SGIP1: variants seen among roughly 807,000 people sequenced by gnomAD.
SGIP1 encodes SH3-containing GRB2-like protein 3-interacting protein 1.
In SGIP1, 38 loss-of-function variants were observed where a neutral mutation model predicts 107.5. The observed-to-expected ratio is 0.35, with a 90% confidence interval of 0.27 to 0.46. The LOEUF is 0.46. Ranked by LOEUF, SGIP1 falls within the 20% of genes least tolerant of loss-of-function variation. The pLI is 1.00. For missense variants in SGIP1, 929 were observed against 1,019.5 expected (o/e 0.91, Z 1.21); for synonymous variants, 365 against 366.1 (o/e 1.00, Z 0.03).
At chr1:66,683,558 C>A (rs2087312505) in intron 15 of SGIP1, among the ~76,000 whole-genome samples, 1 of 152,028 alleles carries the variant, frequency 6.6e-6, no homozygotes. Context: ...GTGTATGCTT[C>A]CAGGTCCTCT....
At chr1:66,679,276 G>A (rs2086113857) in intron 13 of SGIP1, among the ~76,000 whole-genome samples, 1 of 152,170 alleles carries the variant, frequency 6.6e-6, no homozygotes, top group South Asian at 2.1e-4. Flanking sequence ...ACCCTCGACT[G>A]TAACTGTCAG....
intron 1 of SGIP1, among the ~76,000 whole-genome samples, chr1:66,562,870 A>T (rs1281333290): frequency 6.6e-6 from 1 of 152,064 alleles, no homozygotes; most frequent in Admixed American, 6.6e-5. Flanking sequence ...GGCAGGTGAA[A>T]GGTTCTCTGT....
At chr1:66,734,748 C>T (rs893559075) in intron 21 of SGIP1, among the ~76,000 whole-genome samples, 5 of 152,058 alleles carry the variant, frequency 3.3e-5, no homozygotes, top group East Asian at 1.9e-4. Flanking sequence ...TCAGGTGATC[C>T]GCCCGCATCA....
At chr1:66,695,531 T>C (rs745633418) in intron 18 of SGIP1, 38 bp downstream of exon 18, 18 of 1,582,072 alleles carry the variant, frequency 1.1e-5, no homozygotes, top group Non-Finnish European at 1.5e-5. Flanking sequence ...TAATTTATAC[T>C]CCTCCTCATC....
chr1:66,638,102 T>C (rs1365705884), intron 4 of SGIP1, among the ~76,000 whole-genome samples: 1 of 152,076 alleles, frequency 6.6e-6, no homozygotes, highest in African/African-American at 2.4e-5. Flanking sequence ...TCAATATAAA[T>C]TAAATGTCTA....
chr1:66,621,647 T>A (rs1295672241), intron 1 of SGIP1, among the ~76,000 whole-genome samples: 2 of 152,346 alleles, frequency 1.3e-5, no homozygotes, highest in Non-Finnish European at 2.9e-5. Context: ...CTGCTTTCTG[T>A]ATTAATGAAT....
chr1:66,592,894 C>CTTTTTTTTTTTTTTTT (rs1558004086), intron 1 of SGIP1, among the ~76,000 whole-genome samples: 1 of 94,136 alleles, frequency 1.1e-5, no homozygotes, highest in African/African-American at 4.2e-5. Flanking sequence ...CTTTCTTCTT[C>CTTTTTTTTTTTTTTTT]TTCTTTTTTT....
At chr1:66,534,740 T>A (rs2053178620) in intron 1 of SGIP1, among the ~76,000 whole-genome samples, 1 of 152,220 alleles carries the variant, frequency 6.6e-6, no homozygotes, top group Admixed American at 6.5e-5. Flanking sequence ...GGAAACTTGT[T>A]TTCTGAAATT....
chr1:66,641,237 T>C (rs1376628996), intron 5 of SGIP1, among the ~76,000 whole-genome samples: 1 of 152,152 alleles, frequency 6.6e-6, no homozygotes, highest in Non-Finnish European at 1.5e-5. Flanking sequence ...CTATGGAAGG[T>C]AACAGAAATG....
At chr1:66,626,715 G>A (rs2072894273) in intron 2 of SGIP1, among the ~76,000 whole-genome samples, 1 of 152,206 alleles carries the variant, frequency 6.6e-6, no homozygotes, top group African/African-American at 2.4e-5. Flanking sequence ...CCCAAGACCA[G>A]TGTAGGGAGA....
At chr1:66,731,739 C>T (rs951287854) in intron 20 of SGIP1, among the ~76,000 whole-genome samples, 1 of 152,144 alleles carries the variant, frequency 6.6e-6, no homozygotes, top group Non-Finnish European at 1.5e-5. Context: ...TTCTAGATTG[C>T]AGTACCAGCC....
rs973739142 is a variant in SGIP1, at chr1:66,743,622, A to G, written c.*527A>G. The G allele has an allele frequency of 2.0e-5, 3 of 152,626 alleles. No individual in the cohort carries two copies. Among genetic ancestry groups the G allele is most frequent in the African/African-American group, 7.2e-5 (3 of 41,598 alleles). 9.5% of individuals were successfully genotyped at this position (152,626 alleles called of 1,614,324 possible). A position where few individuals can be genotyped will look rare whatever the true frequency, so the allele number is the denominator to read the frequency against. ...GCTTAGTATGTTTTACTCTAGTGCT[A>G]AATAAAAACTCTATCTTCAAATGTT... On this transcript the variant is annotated 3_prime_UTR_variant, in exon 25 of 25. Transcript: ENST00000371037.
rs1003604561 is a variant in SGIP1 at position 66,745,175 on chromosome 1, T to C, written c.*2080T>C. On this transcript the variant is annotated 3_prime_UTR_variant, in exon 25 of 25. Coordinates refer to ENST00000371037, the MANE Select transcript of SGIP1 (RefSeq NM_032291.4). ...TAGTAATTAAACACAAGGGTTTTTT[T>C]CCCAAAAAATAATTTTACTGATTTT... 2 of 151,938 alleles carry C rather than the reference T, an allele frequency of 1.3e-5. No individual in the cohort carries two copies. Among genetic ancestry groups the C allele is most frequent in the African/African-American group, 2.4e-5 (1 of 41,436 alleles). 9.4% of individuals were successfully genotyped at this position (151,938 alleles called of 1,614,324 possible).
chr1:66,549,133 A>ACCTGCCTGCCTTCCTGCCTG (rs200992464), intron 1 of SGIP1, among the ~76,000 whole-genome samples: 1 of 122,834 alleles, frequency 8.1e-6, no homozygotes, highest in African/African-American at 2.8e-5. Flanking sequence ...CCTTCTGGCT[A>ACCTGCCTGCCTTCCTGCCTG]CCTGCCTTCC....
At chr1:66,565,768 A>G (rs2059556010) in intron 1 of SGIP1, among the ~76,000 whole-genome samples, 1 of 151,966 alleles carries the variant, frequency 6.6e-6, no homozygotes, top group South Asian at 2.1e-4. Context: ...ACTTTTGTTC[A>G]CCTCCCTGTG....
chr1:66,584,101 T>C (rs1570021963), intron 1 of SGIP1, among the ~76,000 whole-genome samples: 1 of 152,124 alleles, frequency 6.6e-6, no homozygotes, highest in East Asian at 1.9e-4. Context: ...CAGAGGCTTG[T>C]CTGATTAAAG....
At chr1:66,728,435 T>C (rs781119420) in intron 19 of SGIP1, among the ~76,000 whole-genome samples, 11 of 152,138 alleles carry the variant, frequency 7.2e-5, no homozygotes, top group South Asian at 2.1e-4. Context: ...TAAAACAAAA[T>C]AGTCACTTTT....
intron 1 of SGIP1, among the ~76,000 whole-genome samples, chr1:66,595,207 G>C (rs1412948469): frequency 5.3e-5 from 8 of 152,164 alleles, no homozygotes; most frequent in Admixed American, 5.2e-4. Flanking sequence ...CTTTAGCTCT[G>C]TTAACACCAC....
chr1:66,560,304 T>C (rs2058741053), intron 1 of SGIP1, among the ~76,000 whole-genome samples: 1 of 152,100 alleles, frequency 6.6e-6, no homozygotes, highest in Admixed American at 6.6e-5. Flanking sequence ...TTGGTTTGAC[T>C]TAATTGAAAT....
Sources: gnomAD v4.1 joint callset for allele counts (sites outside exome capture counted in the v4.1 genomes callset) on GRCh38, gnomAD v4.1.1 for gene constraint, MANE v1.5 for transcripts, NCBI Gene and HGNC (gene_info 2026-07-23, HGNC 2026-07-21) for gene names.